Variants in CLCN4 observed in about 807,000 individuals in gnomAD.
The protein encoded by CLCN4 is H(+)/Cl(-) exchange transporter 4.
In CLCN4, 1 loss-of-function variant was observed where a neutral mutation model predicts 41.7. The ratio of observed to expected loss-of-function variants is 0.02; its 90% CI spans 0.01 to 0.11. The LOEUF (loss-of-function observed/expected upper bound fraction) is 0.11, where lower values mean the gene tolerates loss of function less well. Among genes scored for constraint, CLCN4 ranks in the 10% least tolerant of loss-of-function variants. CLCN4 has a pLI of 1.00. For synonymous variants in CLCN4, 277 were observed against 285.8 expected (o/e 0.97, Z 0.31); for missense variants, 287 against 661.0 (o/e 0.43, Z 6.20).
At chrX:10,215,399 C>T (rs146875101) in intron 11 of CLCN4, among the ~76,000 whole-genome samples, 2,006 of 112,165 alleles carry the variant, frequency 0.018, 22 homozygotes, top group Middle Eastern at 0.069. Context: ...TTTACCTCCC[C>T]CAAAGTAAAA....
chrX:10,200,103 G>A (rs1295649625), intron 6 of CLCN4, among the ~76,000 whole-genome samples: 2 of 111,675 alleles, frequency 1.8e-5, no homozygotes, highest in Non-Finnish European at 3.8e-5. Context: ...CTATTGCCCG[G>A]GCTGGTCTCA....
At chrX:10,189,637 G>A (rs1602147369) in intron 4 of CLCN4, among the ~76,000 whole-genome samples, 1 of 112,332 alleles carries the variant, frequency 8.9e-6, no homozygotes, top group East Asian at 2.8e-4. Context: ...AGAGAGCCAC[G>A]TCCCACTCAC....
At position 10,233,658 on chromosome X, in the gene CLCN4, C is replaced by T; in HGVS notation, c.*74C>T. On this transcript the variant is annotated 3_prime_UTR_variant, in exon 13 of 13. Transcript: ENST00000380833. The stretch of plus-strand genomic sequence containing the variant: ...AAAGAAATAAATGATATGTTATTAT[C>T]CCAATGAAAGATCATGCATTGGGGA... 1 of 864,136 alleles carries T rather than the reference C, an allele frequency of 1.2e-6. No homozygotes were observed. The highest frequency in any genetic ancestry group is 1.7e-6 in the Non-Finnish European group (1 of 589,545). The allele number at this position is 864,136 out of a possible 1,213,427, so 71.2% of individuals were successfully genotyped here.
At chrX:10,169,934 A>G (rs2285500) in intron 2 of CLCN4, among the ~76,000 whole-genome samples, 38,523 of 108,397 alleles carry the variant, frequency 0.36, 5,729 homozygotes, top group African/African-American at 0.54. Context: ...GATTACAGGC[A>G]TGCACCACCA....
At chrX:10,212,162 T>C (rs913074438) in intron 9 of CLCN4, among the ~76,000 whole-genome samples, 3 of 112,608 alleles carry the variant, frequency 2.7e-5, no homozygotes, top group African/African-American at 9.7e-5. Context: ...ATGCTCACTT[T>C]GAATGTTATT....
chrX:10,207,152 C>T (rs997050463), intron 8 of CLCN4, among the ~76,000 whole-genome samples: 10 of 111,625 alleles, frequency 9.0e-5, no homozygotes, highest in Admixed American at 8.5e-4. Flanking sequence ...AACTCCTGAC[C>T]TCAGGTGATC....
chrX:10,195,624 TGTCTCCATTAGCA>T (rs1292383731), intron 5 of CLCN4, among the ~76,000 whole-genome samples: 1 of 112,080 alleles, frequency 8.9e-6, no homozygotes, highest in Non-Finnish European at 1.9e-5. Flanking sequence ...TCCAAAACTC[TGTCTCCATTAGCA>T]GTCACTCCCA....
At chrX:10,173,466 G>A (rs1223518460) in intron 2 of CLCN4, among the ~76,000 whole-genome samples, 1 of 110,637 alleles carries the variant, frequency 9.0e-6, no homozygotes, top group Admixed American at 9.6e-5. Context: ...GTTCGGCTGC[G>A]CACCCCGGGC....
intron 12 of CLCN4, among the ~76,000 whole-genome samples, chrX:10,221,415 A>T (rs925458579): frequency 9.0e-6 from 1 of 111,529 alleles, no homozygotes; most frequent in African/African-American, 3.3e-5. Context: ...TAATCTCAGC[A>T]CTTCGGGAGG....
intron 12 of CLCN4, among the ~76,000 whole-genome samples, chrX:10,224,633 G>A (rs1425151923): frequency 1.8e-5 from 2 of 111,287 alleles, no homozygotes; most frequent in African/African-American, 6.6e-5. Context: ...TGCAGGAAGT[G>A]CAGTCTTGCT....
chrX:10,191,568 T>G (rs1326366326), intron 4 of CLCN4, among the ~76,000 whole-genome samples: 3 of 111,656 alleles, frequency 2.7e-5, no homozygotes, highest in Non-Finnish European at 5.6e-5. Flanking sequence ...ATAGAATTGG[T>G]TTTTTTGAGA....
At position 10,213,900 on chromosome X, in the gene CLCN4, T is replaced by C; in HGVS notation, c.1796T>C (p.Val599Ala). ...ACTCACCGCACACTGGCCACCGACG[T>C]CATGCGGCCCCGGCGGGGAGAGCCG... ...EFTHRTLATD[V>A]MRPRRGEPPL... The change falls in exon 11 of 13, where the codon GTC becomes GCC. Residue 599 changes from valine (V) to alanine (A), a missense_variant. Physicochemically the swap from Val to Ala is moderately conservative, Grantham distance 64. This residue lies in a region of CLCN4 where 71 missense variants were observed against 104.5 expected (regional missense o/e 0.68). Transcript: ENST00000380833. 1 of 1,211,688 alleles carries C rather than the reference T, an allele frequency of 8.3e-7. No homozygotes were observed. The highest frequency in any genetic ancestry group is 1.1e-6 in the Non-Finnish European group (1 of 895,365).
intron 6 of CLCN4, among the ~76,000 whole-genome samples, chrX:10,204,613 CTTTTTT>C (rs61453535): frequency 1.2e-3 from 33 of 27,329 alleles, no homozygotes; most frequent in African/African-American, 1.6e-3. Flanking sequence ...AGCTAGTAGT[CTTTTTT>C]TTTTTTTTTT....
chrX:10,220,162 G>GT (rs762604128), intron 11 of CLCN4, among the ~76,000 whole-genome samples: 17 of 111,903 alleles, frequency 1.5e-4, no homozygotes, highest in African/African-American at 5.5e-4. Flanking sequence ...CTGTGAGCCT[G>GT]GGCTGGCCGT....
chrX:10,161,904 C>T (rs941395544), intron 2 of CLCN4, among the ~76,000 whole-genome samples: 8 of 110,533 alleles, frequency 7.2e-5, no homozygotes, highest in Admixed American at 2.9e-4. Context: ...GTCCATCTGC[C>T]GTGGTGAGGA....
At chrX:10,217,207 C>T (rs1924748396) in intron 11 of CLCN4, among the ~76,000 whole-genome samples, 4 of 109,155 alleles carry the variant, frequency 3.7e-5, no homozygotes, top group South Asian at 4.0e-4. Flanking sequence ...CTCAAGCAGT[C>T]TTCCTGCTTC....
At chrX:10,163,626 G>A (rs757428790) in intron 2 of CLCN4, among the ~76,000 whole-genome samples, 19 of 111,093 alleles carry the variant, frequency 1.7e-4, no homozygotes, top group Non-Finnish European at 3.6e-4. Context: ...GGCTGGTCTC[G>A]AACTCCTGAC....
At position 10,213,914 on chromosome X, in the gene CLCN4, C is replaced by T. The variant is rs760806121; in HGVS notation, c.1810C>T (p.Arg604Trp). 6.6e-6 allele frequency: 8 copies of T among 1,210,526 alleles called. No individual in the cohort carries two copies. The highest frequency in any genetic ancestry group is 2.2e-5 in the Admixed American group (1 of 46,084). ...TLATDVMRPR[R>W]GEPPLSVLTQ... Reference sequence around the variant, plus strand: ...GGCCACCGACGTCATGCGGCCCCGGCGGGGAGAGCCGCCACTGTCGGTGCT... The same window carrying T: ...GGCCACCGACGTCATGCGGCCCCGGTGGGGAGAGCCGCCACTGTCGGTGCT... The change falls in exon 11 of 13, where the codon CGG (arginine) becomes TGG (tryptophan). Residue 604 changes from arginine (R) to tryptophan (W), a missense_variant. Around this residue, in one of 6 missense-constraint regions of CLCN4, gnomAD observed 71 missense variants for 104.5 expected, o/e 0.68. Coordinates refer to ENST00000380833, the MANE Select transcript of CLCN4 (RefSeq NM_001830.4).
chrX:10,208,833 A>G (rs1924462719), intron 9 of CLCN4, among the ~76,000 whole-genome samples: 1 of 112,162 alleles, frequency 8.9e-6, no homozygotes, highest in Admixed American at 9.4e-5. Flanking sequence ...TGAGATCTTA[A>G]GTGGCTTGAT....
Sources: gnomAD v4.1 joint callset for allele counts (sites outside exome capture counted in the v4.1 genomes callset) on GRCh38, gnomAD v4.1.1 for gene constraint, gnomAD v4.1.1 regional missense constraint, MANE v1.5 for transcripts, NCBI Gene and HGNC (gene_info 2026-07-23, HGNC 2026-07-21) for gene names.